FLI1: variants seen among roughly 807,000 people sequenced by gnomAD.
FLI1 encodes the protein Fli-1 proto-oncogene, ETS transcription factor, also known as Friend leukemia integration 1 transcription factor.
In FLI1, 13 loss-of-function variants were observed where a neutral mutation model predicts 53.1. That is an observed-to-expected ratio of 0.24 (90% CI 0.16 to 0.39). The LOEUF is 0.39. Among genes scored for constraint, FLI1 ranks in the 10% least tolerant of loss-of-function variants. The pLI is 1.00. For synonymous variants in FLI1, 244 were observed against 236.7 expected, an observed-to-expected ratio of 1.03 and a Z score of -0.28; for missense variants, 424 against 600.5, an observed-to-expected ratio of 0.71 and a Z score of 3.07.
chr11:128,694,306 CG>C (rs1192456501), intron 1 of FLI1, 30 bp downstream of exon 1: 4 of 1,333,692 alleles, frequency 3.0e-6, no homozygotes, highest in South Asian at 4.4e-5. Context: ...ACGCGGGCGG[CG>C]GGGACCGGCC....
At chr11:128,703,027 A>C (rs1200723692) in intron 1 of FLI1, among the ~76,000 whole-genome samples, 1 of 152,272 alleles carries the variant, frequency 6.6e-6, no homozygotes, top group African/African-American at 2.4e-5. Context: ...AAAATAGGCA[A>C]AAATGCTATG....
intron 2 of FLI1, among the ~76,000 whole-genome samples, chr11:128,765,960 G>A (rs1941325030): frequency 6.6e-6 from 1 of 152,228 alleles, no homozygotes; most frequent in South Asian, 2.1e-4. Context: ...TACAGTGCAT[G>A]TCTGTGCATG....
intron 5 of FLI1, among the ~76,000 whole-genome samples, chr11:128,790,527 C>T (rs932749256): frequency 2.0e-5 from 3 of 152,198 alleles, no homozygotes; most frequent in African/African-American, 7.2e-5. Context: ...ATTATCCTTC[C>T]TTTCTCTAAG....
At chr11:128,719,926 C>CT (rs568432161) in intron 1 of FLI1, among the ~76,000 whole-genome samples, 96 of 152,200 alleles carry the variant, frequency 6.3e-4, no homozygotes, top group African/African-American at 2.2e-3. Context: ...TCTTGGCTTA[C>CT]TTTTTTTTAA....
At chr11:128,798,051 C>G (rs1203710225) in intron 5 of FLI1, among the ~76,000 whole-genome samples, 12 of 152,124 alleles carry the variant, frequency 7.9e-5, no homozygotes, top group Admixed American at 2.6e-4. Context: ...AGGGTCGGAG[C>G]AGGGCAGAGG....
At chr11:128,685,497 G>A (rs1268146131), upstream of FLI1, among the ~76,000 whole-genome samples, 1 of 151,888 alleles carries the variant, frequency 6.6e-6, no homozygotes, top group Non-Finnish European at 1.5e-5. Context: ...CCTTTCTCCG[G>A]CTTTCTTTTT....
At chr11:128,799,126 C>T (rs1190262134) in intron 5 of FLI1, among the ~76,000 whole-genome samples, 3 of 151,056 alleles carry the variant, frequency 2.0e-5, no homozygotes, top group African/African-American at 7.3e-5. Flanking sequence ...CTCACTGCAG[C>T]CTTAAACTCC....
chr11:128,739,415 C>G (rs1591768297), intron 1 of FLI1, among the ~76,000 whole-genome samples: 1 of 152,126 alleles, frequency 6.6e-6, no homozygotes, highest in East Asian at 1.9e-4. Flanking sequence ...TCCTGCTGCC[C>G]CCACCCCTCA....
At chr11:128,703,933 G>C (rs558976613) in intron 1 of FLI1, among the ~76,000 whole-genome samples, 1 of 149,666 alleles carries the variant, frequency 6.7e-6, no homozygotes, top group South Asian at 2.1e-4. Context: ...TATCCTGAAT[G>C]TGCTGGTCCC....
intron 1 of FLI1, among the ~76,000 whole-genome samples, chr11:128,708,727 G>A (rs1938661154): frequency 6.6e-6 from 1 of 152,170 alleles, no homozygotes; most frequent in African/African-American, 2.4e-5. Flanking sequence ...GTGGCTCATT[G>A]GATGGCTTTC....
In FLI1 at chr11:128,812,114, G is replaced by C. The variant is rs921865765; in HGVS notation, c.*1126G>C. 1 of 208,898 alleles carries C rather than the reference G, an allele frequency of 4.8e-6. No homozygotes were observed. The highest frequency in any genetic ancestry group is 2.3e-5 in the African/African-American group (1 of 43,978). The allele number at this position is 208,898 out of a possible 1,614,324, so 12.9% of individuals were successfully genotyped here. ...TGACTTATGAGAAAGCAAAGCACTG[G>C]TACAGTTATTTAACAGGCATACACA... On this transcript the variant is annotated 3_prime_UTR_variant, in exon 9 of 9. Coordinates refer to ENST00000527786, the MANE Select transcript of FLI1 (RefSeq NM_002017.5).
intron 1 of FLI1, among the ~76,000 whole-genome samples, chr11:128,740,244 A>G (rs1940075624): frequency 6.6e-6 from 1 of 152,234 alleles, no homozygotes; most frequent in Non-Finnish European, 1.5e-5. Context: ...GGTGCACTCC[A>G]TAAGGCTCTC....
Position 128,751,148 on chromosome 11 carries a change from T to C in FLI1, c.19-6967T>C, listed in dbSNP as rs149333461. Among the ~76,000 whole-genome samples the C allele has an allele frequency of 2.9e-3, 435 of 152,336 alleles. 1 individual carries two copies. Among genetic ancestry groups the C allele is most frequent in the African/African-American group, 9.6e-3 (401 of 41,560 alleles). On this transcript the variant is annotated intron_variant, in intron 1 of 8. Coordinates refer to ENST00000527786, the MANE Select transcript of FLI1 (RefSeq NM_002017.5). ...ACACGCAGATTAGTGAAATCGGCTC[T>C]GTACTCTAGGAGCCCATGGGATTTG...
intron 5 of FLI1, among the ~76,000 whole-genome samples, chr11:128,782,380 C>T (rs967921787): frequency 1.3e-5 from 2 of 152,128 alleles, no homozygotes; most frequent in Admixed American, 6.5e-5. Context: ...AGCATGTCTA[C>T]CTTTAAAGGT....
chr11:128,735,271 G>A (rs1164747139), intron 1 of FLI1, among the ~76,000 whole-genome samples: 1 of 152,194 alleles, frequency 6.6e-6, no homozygotes, highest in Non-Finnish European at 1.5e-5. Context: ...TGCATCATCT[G>A]CCTGTTCCAT....
chr11:128,796,552 A>G (rs1942449380), intron 5 of FLI1, among the ~76,000 whole-genome samples: 1 of 152,238 alleles, frequency 6.6e-6, no homozygotes, highest in Non-Finnish European at 1.5e-5. Context: ...TGATATAATA[A>G]GTGAGATCAC....
At chr11:128,759,939 A>G (rs575643126) in intron 2 of FLI1, among the ~76,000 whole-genome samples, 16 of 152,318 alleles carry the variant, frequency 1.1e-4, no homozygotes, top group Admixed American at 6.5e-4. Flanking sequence ...GAACTCCTCC[A>G]GAGCAGCTCA....
At chr11:128,699,049 G>A (rs919585215) in intron 1 of FLI1, among the ~76,000 whole-genome samples, 5 of 152,054 alleles carry the variant, frequency 3.3e-5, no homozygotes, top group East Asian at 1.9e-4. Context: ...GTAGACAGAC[G>A]GAATTCTTAT....
upstream of FLI1, chr11:128,686,077 TC>T (rs1457820336): frequency 1.2e-5 from 4 of 320,184 alleles, no homozygotes; most frequent in East Asian, 8.0e-5. Context: ...TCTTCCTCCG[TC>T]CCCGGGCCAC....
Sources: gnomAD v4.1 joint callset for allele counts (sites outside exome capture counted in the v4.1 genomes callset) on GRCh38, gnomAD v4.1.1 for gene constraint, MANE v1.5 for transcripts, NCBI Gene and HGNC (gene_info 2026-07-23, HGNC 2026-07-21) for gene names.